The following EXD3 variants were observed in gnomAD, a reference collection of about 807,000 sequenced individuals.
EXD3 encodes exonuclease 3'-5' domain containing 3.
EXD3 carries 92 observed loss-of-function variants against 98.0 expected under a neutral mutation model. That is an observed-to-expected ratio of 0.94 (90% CI 0.79 to 1.12). EXD3 has a LOEUF of 1.12. Ranked by LOEUF, EXD3 falls within the 50% of genes most tolerant of loss-of-function variation. The pLI, the probability that EXD3 is intolerant of heterozygous loss-of-function variation, is 0.00. For missense variants in EXD3, 1,222 were observed against 1,191.6 expected, an observed-to-expected ratio of 1.03 and a Z score of -0.38; for synonymous variants, 569 against 526.0, an observed-to-expected ratio of 1.08 and a Z score of -1.12.
At position 137,378,248 on chromosome 9, in the gene EXD3, G is replaced by A. The variant is rs188251682; in HGVS notation, c.121-4649C>T. On this transcript the variant is annotated intron_variant, in intron 3 of 21. Coordinates refer to ENST00000340951, the MANE Select transcript of EXD3 (RefSeq NM_017820.5). ...ATTTGAGATGGAGTCTCACTCTGTC[G>A]TCCAGGCTGGAGTGCAGTGGCATGA... Among the ~76,000 whole-genome samples, 670 of 151,714 alleles carry A rather than the reference G, an allele frequency of 4.4e-3. 3 individuals carry two copies. Among genetic ancestry groups the A allele is most frequent in the Non-Finnish European group, 5.7e-3 (390 of 67,906 alleles).
At chr9:137,414,569 A>G (rs1353583433) in intron 1 of EXD3, among the ~76,000 whole-genome samples, 5 of 152,138 alleles carry the variant, frequency 3.3e-5, no homozygotes, top group African/African-American at 1.2e-4. Context: ...TTACGCTAGC[A>G]TCGATAACAC....
chr9:137,412,350 T>C (rs1838042606), intron 1 of EXD3, among the ~76,000 whole-genome samples: 1 of 152,266 alleles, frequency 6.6e-6, no homozygotes, highest in Non-Finnish European at 1.5e-5. Context: ...ATCGACTGCA[T>C]GTGGAAATGG....
At chr9:137,383,992 G>T (rs1836458439) in intron 2 of EXD3, among the ~76,000 whole-genome samples, 1 of 152,214 alleles carries the variant, frequency 6.6e-6, no homozygotes, top group Non-Finnish European at 1.5e-5. Flanking sequence ...GAGGCCGGTG[G>T]TGCAGGGGAG....
rs1837033061 is a variant in EXD3 at position 137,393,275 on chromosome 9, G to A, written c.55+2028C>T. ...TCAGCTCTGTGCTGAGGCGAACCCA[G>A]GGTCCCATGCGCTCCCCGGCCCTGA... On this transcript the variant is annotated intron_variant, in intron 2 of 21. Transcript: ENST00000340951. The surrounding 1 kb of genome is among the most constrained non-coding windows in gnomAD (Gnocchi z 4.6). 1 of 701,680 alleles carries A rather than the reference G, an allele frequency of 1.4e-6. No homozygotes were observed. Among genetic ancestry groups the A allele is most frequent in the Non-Finnish European group, 2.6e-6 (1 of 384,494 alleles). 43.5% of individuals were successfully genotyped at this position (701,680 alleles called of 1,614,324 possible).
intron 1 of EXD3, among the ~76,000 whole-genome samples, chr9:137,416,769 G>A (rs1187317866): frequency 6.6e-6 from 1 of 152,118 alleles, no homozygotes; most frequent in Non-Finnish European, 1.5e-5. Context: ...ACCAAGGGTC[G>A]GTAGGCCGTC....
At chr9:137,321,195 G>C (rs1832014709) in intron 19 of EXD3, among the ~76,000 whole-genome samples, 2 of 152,262 alleles carry the variant, frequency 1.3e-5, no homozygotes, top group South Asian at 4.1e-4. Flanking sequence ...GCCTGAGGCT[G>C]TGGGGGCAGA....
chr9:137,402,053 G>A (rs113111389), intron 1 of EXD3, among the ~76,000 whole-genome samples: 16,038 of 152,128 alleles, frequency 0.11, 1,053 homozygotes, highest in African/African-American at 0.18. Flanking sequence ...GTCTTGCTCC[G>A]TCACCAGACT....
intron 2 of EXD3, among the ~76,000 whole-genome samples, chr9:137,384,433 C>T (rs7468804): frequency 6.6e-6 from 1 of 152,108 alleles, no homozygotes; most frequent in East Asian, 1.9e-4. Context: ...GTTCAGCTCA[C>T]AATTTAAGAA....
chr9:137,322,365 T>C (rs962341549), intron 19 of EXD3, among the ~76,000 whole-genome samples: 315 of 145,654 alleles, frequency 2.2e-3, no homozygotes, highest in Middle Eastern at 0.012. Context: ...TGCCGACACC[T>C]CACCCCGGAC....
intron 6 of EXD3, chr9:137,367,591 C>A: frequency 3.9e-6 from 1 of 259,076 alleles, no homozygotes; most frequent in South Asian, 5.1e-5. Context: ...ACGGTGGAGG[C>A]GTGCAGCAGA....
At chr9:137,358,648 C>G (rs1834909292) in intron 7 of EXD3, among the ~76,000 whole-genome samples, 1 of 152,174 alleles carries the variant, frequency 6.6e-6, no homozygotes, top group African/African-American at 2.4e-5. Context: ...TTGTGTTTAA[C>G]TGCCACTTTA....
intron 5 of EXD3, among the ~76,000 whole-genome samples, chr9:137,372,371 G>A (rs1430850312): frequency 2.6e-5 from 4 of 152,220 alleles, no homozygotes; most frequent in Non-Finnish European, 5.9e-5. Flanking sequence ...GGTGCTGTGG[G>A]AGGCGGGGCC....
intron 19 of EXD3, 134 bp downstream of exon 19, chr9:137,323,591 G>A (rs1203737532): frequency 7.6e-7 from 1 of 1,309,594 alleles, no homozygotes; most frequent in Non-Finnish European, 1.0e-6. Flanking sequence ...ACCTCACCCT[G>A]GACCACGAGG....
Position 137,395,255 on chromosome 9 carries a change from TCCC to T in EXD3, c.55+45_55+47del. ...CACCCCCCATGCACACCCACGCACC[TCCC>T]CCCACAGCCCCAGGGAGACTCGGCA... On this transcript the variant is annotated intron_variant, in intron 2 of 21. Coordinates refer to ENST00000340951, the MANE Select transcript of EXD3 (RefSeq NM_017820.5). The surrounding 1 kb of genome is among the most constrained non-coding windows in gnomAD (Gnocchi z 6.5). The T allele has an allele frequency of 1.5e-6, 2 of 1,321,638 alleles. No individual in the cohort carries two copies. Among genetic ancestry groups the T allele is most frequent in the Non-Finnish European group, 2.2e-6 (2 of 919,802 alleles). 81.9% of individuals were successfully genotyped at this position (1,321,638 alleles called of 1,614,324 possible).
Position 137,366,582 on chromosome 9 carries a change from A to T in EXD3, c.567T>A (p.Tyr189Ter), listed in dbSNP as rs1835269863. ...LQDKVALVER[Y>*]VAGFPDLQRR... is the part of the protein sequence containing the mutation. ...TCTGGAGGTCCGGGAAGCCGGCCACATAGCGCTCCACGAGGGCCACCTTGT... is the reference window on the plus strand; with the variant it reads ...TCTGGAGGTCCGGGAAGCCGGCCACTTAGCGCTCCACGAGGGCCACCTTGT... The change falls in exon 7 of 22, where the codon TAT becomes TAA. Residue 189 changes from tyrosine to a stop codon, truncating the protein, a stop_gained. Coordinates refer to ENST00000340951, the MANE Select transcript of EXD3 (RefSeq NM_017820.5). LOFTEE classifies it high-confidence loss of function. 1 of 1,554,158 alleles carries T rather than the reference A, an allele frequency of 6.4e-7. No homozygotes were observed. The highest frequency in any genetic ancestry group is 8.7e-7 in the Non-Finnish European group (1 of 1,149,582).
intron 5 of EXD3, among the ~76,000 whole-genome samples, chr9:137,372,432 C>A (rs913257093): frequency 1.3e-5 from 2 of 152,240 alleles, no homozygotes; most frequent in Admixed American, 1.3e-4. Flanking sequence ...GGGAGCGTTT[C>A]CTTCCAGGGC....
rs1376377290 is a variant in EXD3, at chr9:137,395,674, G to A, written c.-47-270C>T. ...AGGGGGTGGGAGGGGCCCTGGGGGG[G>A]GGCACAGTAGACAGACCCTCGCGGG... On this transcript the variant is annotated intron_variant, in intron 1 of 21. Transcript: ENST00000340951. The surrounding 1 kb of genome is among the most constrained non-coding windows in gnomAD (Gnocchi z 6.5). 1.3e-5 allele frequency among the ~76,000 whole-genome samples: 2 copies of A among 152,150 alleles called. No individual in the cohort carries two copies. The highest frequency in any genetic ancestry group is 2.9e-5 in the Non-Finnish European group (2 of 68,002).
chr9:137,402,476 G>C (rs567156299), intron 1 of EXD3, among the ~76,000 whole-genome samples: 1 of 152,180 alleles, frequency 6.6e-6, no homozygotes, highest in Non-Finnish European at 1.5e-5. Context: ...AAGATAACAA[G>C]AGTCACCTTT....
At chr9:137,364,975 A>G (rs557995924) in intron 7 of EXD3, among the ~76,000 whole-genome samples, 9 of 151,338 alleles carry the variant, frequency 5.9e-5, no homozygotes, top group Non-Finnish European at 1.0e-4. Flanking sequence ...TCACTGTGTT[A>G]GCCAGGATGG....
Sources: gnomAD v4.1 joint callset for allele counts (sites outside exome capture counted in the v4.1 genomes callset) on GRCh38, gnomAD v4.1.1 for gene constraint, Gnocchi (gnomAD v3.1) non-coding constraint, MANE v1.5 for transcripts, NCBI Gene and HGNC (gene_info 2026-07-23, HGNC 2026-07-21) for gene names.